Variants in ZNF609 observed in about 807,000 individuals in gnomAD.
The protein encoded by ZNF609 is zinc finger protein 609.
In ZNF609, 11 loss-of-function variants were observed where a neutral mutation model predicts 109.5. The observed-to-expected ratio is 0.10, with a 90% confidence interval of 0.06 to 0.17. The LOEUF (loss-of-function observed/expected upper bound fraction) is 0.17, where lower values mean the gene tolerates loss of function less well. Ranked by LOEUF, ZNF609 falls within the 10% of genes least tolerant of loss-of-function variation. ZNF609 has a pLI of 1.00. For synonymous variants in ZNF609, 646 were observed against 662.0 expected (o/e 0.98, Z 0.37); for missense variants, 1,559 against 1,772.4 (o/e 0.88, Z 2.16).
In ZNF609 at chr15:64,674,598, A is replaced by C; in HGVS notation, c.1744A>C (p.Lys582Gln). The stretch of plus-strand genomic sequence containing the variant: ...GCCCCATAGCCCTTCTCCTTCAAGC[A>C]AATTCAGCACAAAAGGCCTCTGTAA... ...VEPHSPSPSS[K>Q]FSTKGLCKKK... Residue 582 changes from lysine to glutamine, a missense_variant, in exon 5 of 10, where the codon AAA (lysine) becomes CAA (glutamine). This residue lies in a region of ZNF609 where 1,204 missense variants were observed against 1,314.1 expected (regional missense o/e 0.92). Coordinates refer to ENST00000326648, the MANE Select transcript of ZNF609 (RefSeq NM_015042.2). 6.2e-7 allele frequency: 1 copy of C among 1,614,106 alleles called. No homozygotes were observed. The highest frequency in any genetic ancestry group is 8.5e-7 in the Non-Finnish European group (1 of 1,180,024).
chr15:64,623,175 G>A lies in ZNF609; in HGVS notation c.973+123G>A, dbSNP rs79213746. 3,783 of 982,636 alleles carry A rather than the reference G, an allele frequency of 3.8e-3. 144 individuals carry two copies. In the East Asian group the frequency reaches 0.085, roughly 22 times the overall value. 60.9% of individuals were successfully genotyped at this position (982,636 alleles called of 1,614,324 possible). ...GAGTCTCAAGTGTCCACAGTCTGCGGGAGATACCCACACAGAGGATTTTAG... is the reference window on the plus strand; with the variant it reads ...GAGTCTCAAGTGTCCACAGTCTGCGAGAGATACCCACACAGAGGATTTTAG... On this transcript the variant is annotated intron_variant, in intron 3 of 9. Transcript: ENST00000326648.
chr15:64,669,816 C>T (rs1470916948), intron 3 of ZNF609, among the ~76,000 whole-genome samples: 2 of 152,048 alleles, frequency 1.3e-5, no homozygotes, highest in East Asian at 1.9e-4. Context: ...TACAGGCATG[C>T]ACCACTATGC....
chr15:64,467,334 T>C (rs1419135415), intron 1 of ZNF609, among the ~76,000 whole-genome samples: 2 of 152,210 alleles, frequency 1.3e-5, no homozygotes, highest in African/African-American at 4.8e-5. Context: ...CAGGAATACT[T>C]CCTCCCAGCA....
chr15:64,678,295 C>G lies in ZNF609; in HGVS notation c.3582C>G (p.Pro1194=), dbSNP rs780033362. 2 of 1,614,108 alleles carry G rather than the reference C, an allele frequency of 1.2e-6. No homozygotes were observed. Among genetic ancestry groups the G allele is most frequent in the East Asian group, 4.5e-5 (2 of 44,878 alleles). ...KESTSSDCKL[P]TSEESRLGSK... Reference sequence around the variant, plus strand: ...GCACAAGTAGTGACTGCAAGCTGCCCACGTCAGAGGAGTCTCGCCTTGGGA... The same window carrying G: ...GCACAAGTAGTGACTGCAAGCTGCCGACGTCAGAGGAGTCTCGCCTTGGGA... Residue 1194 remains proline (P), a synonymous_variant, in exon 6 of 10, where the codon CCC becomes CCG. Transcript: ENST00000326648.
At chr15:64,509,562 T>C (rs987716853) in intron 2 of ZNF609, among the ~76,000 whole-genome samples, 11 of 152,206 alleles carry the variant, frequency 7.2e-5, no homozygotes, top group African/African-American at 2.7e-4. Flanking sequence ...ATATTCCAGC[T>C]CCTACTGATT....
At chr15:64,583,042 C>T (rs1191178470) in intron 2 of ZNF609, among the ~76,000 whole-genome samples, 1 of 150,940 alleles carries the variant, frequency 6.6e-6, no homozygotes, top group Middle Eastern at 3.5e-3. Context: ...TGAGCCACCA[C>T]GCCGGGCCAA....
intron 2 of ZNF609, among the ~76,000 whole-genome samples, chr15:64,522,400 A>G (rs934841772): frequency 2.0e-5 from 3 of 152,114 alleles, no homozygotes; most frequent in Non-Finnish European, 4.4e-5. Context: ...ATGAATCTCA[A>G]CTCTGTCCCT....
chr15:64,517,551 G>T (rs1893831196), intron 2 of ZNF609, among the ~76,000 whole-genome samples: 1 of 152,022 alleles, frequency 6.6e-6, no homozygotes, highest in Non-Finnish European at 1.5e-5. Context: ...ACTACCATGT[G>T]CTATACAGTG....
intron 2 of ZNF609, among the ~76,000 whole-genome samples, chr15:64,521,041 A>G (rs1287043388): frequency 3.3e-5 from 5 of 151,690 alleles, no homozygotes; most frequent in Middle Eastern, 3.2e-3. Context: ...TACTTTGTAC[A>G]GGTGGGTAGA....
At chr15:64,480,962 T>C (rs1193603045) in intron 1 of ZNF609, among the ~76,000 whole-genome samples, 1 of 152,156 alleles carries the variant, frequency 6.6e-6, no homozygotes, top group African/African-American at 2.4e-5. Context: ...ACAAAGCAAA[T>C]AAATAACCTG....
At chr15:64,471,254 A>C (rs1030180133) in intron 1 of ZNF609, 14 of 152,222 alleles carry the variant, frequency 9.2e-5, no homozygotes, top group African/African-American at 2.9e-4. Flanking sequence ...CCAGCTACTC[A>C]GGAGGCTGAG....
At chr15:64,642,585 G>C (rs990821896) in intron 3 of ZNF609, among the ~76,000 whole-genome samples, 1 of 152,162 alleles carries the variant, frequency 6.6e-6, no homozygotes, top group African/African-American at 2.4e-5. Flanking sequence ...CTTGAGCCCA[G>C]GAGTTCGAGA....
At chr15:64,677,213 G>A (rs916020109) in intron 5 of ZNF609, among the ~76,000 whole-genome samples, 1 of 151,906 alleles carries the variant, frequency 6.6e-6, no homozygotes, top group Non-Finnish European at 1.5e-5. Flanking sequence ...ACAGATGCAT[G>A]CCACCACACC....
intron 2 of ZNF609, among the ~76,000 whole-genome samples, chr15:64,589,078 G>A (rs1416613185): frequency 2.6e-5 from 4 of 152,294 alleles, no homozygotes; most frequent in Non-Finnish European, 5.9e-5. Context: ...ATGAACACTA[G>A]CTAGTTCCAT....
chr15:64,474,125 C>G (rs1893132601), intron 1 of ZNF609, among the ~76,000 whole-genome samples: 2 of 151,786 alleles, frequency 1.3e-5, no homozygotes, highest in Non-Finnish European at 2.9e-5. Flanking sequence ...CCAGGCTGGT[C>G]TCGAACTCCT....
At chr15:64,532,707 C>G (rs1309937883) in intron 2 of ZNF609, among the ~76,000 whole-genome samples, 5 of 152,198 alleles carry the variant, frequency 3.3e-5, no homozygotes, top group Non-Finnish European at 7.3e-5. Context: ...AGCGAGATGA[C>G]TGTTAAGTTG....
chr15:64,507,660 G>A (rs964260022), intron 2 of ZNF609, among the ~76,000 whole-genome samples: 1 of 152,196 alleles, frequency 6.6e-6, no homozygotes, highest in Non-Finnish European at 1.5e-5. Context: ...ATGGGGTTAG[G>A]CTTTGATTTT....
At chr15:64,471,912 TTTTGTTTTG>T (rs1038492961) in intron 1 of ZNF609, among the ~76,000 whole-genome samples, 1 of 143,748 alleles carries the variant, frequency 7.0e-6, no homozygotes, top group Non-Finnish European at 1.5e-5. Flanking sequence ...TTGTTTTTGT[TTTTGTTTTG>T]TTTGTTTGAG....
In ZNF609 at chr15:64,633,883, G is replaced by GA. The variant is rs148370455; in HGVS notation, c.973+10841dup. 2.5e-4 allele frequency among the ~76,000 whole-genome samples: 36 copies of GA among 146,560 alleles called. No homozygotes were observed. In the East Asian group the frequency reaches 5.8e-3, roughly 23 times the overall value. ...GCAACAGAGTGAGACTCCATCTCAG[G>GA]AAAAAAAAAATTATTAAAAAAAAAA... is the stretch of plus-strand genomic sequence containing the variant. On this transcript the variant is annotated intron_variant, in intron 3 of 9. Transcript: ENST00000326648.
Sources: gnomAD v4.1 joint callset for allele counts (sites outside exome capture counted in the v4.1 genomes callset) on GRCh38, gnomAD v4.1.1 for gene constraint, gnomAD v4.1.1 regional missense constraint, MANE v1.5 for transcripts, NCBI Gene and HGNC (gene_info 2026-07-23, HGNC 2026-07-21) for gene names.